Variants in RANBP2 observed in about 807,000 individuals in gnomAD.
RANBP2 encodes RAN binding protein 2.
RANBP2 carries 57 observed loss-of-function variants against 303.6 expected under a neutral mutation model. The ratio of observed to expected loss-of-function variants is 0.19; its 90% CI spans 0.15 to 0.23. RANBP2 has a LOEUF of 0.23. RANBP2 is among the 10% of genes least tolerant of loss of function. RANBP2 has a pLI of 1.00. For synonymous variants in RANBP2, 1,167 were observed against 1,301.5 expected, an observed-to-expected ratio of 0.90 and a Z score of 2.23; for missense variants, 3,138 against 3,780.8, an observed-to-expected ratio of 0.83 and a Z score of 4.46.
chr2:108,879,525 T>C, the RANBP2 span, among the ~76,000 whole-genome samples: 2 of 152,294 alleles, frequency 1.3e-5, no homozygotes, highest in Non-Finnish European at 2.9e-5. Context: ...CAACTGCATA[T>C]GACAGAAACA....
chr2:109,200,409 C>T, the RANBP2 span, among the ~76,000 whole-genome samples: 1 of 152,184 alleles, frequency 6.6e-6, no homozygotes. Context: ...CTCTCTTTCC[C>T]TCCATCTCTG....
At chr2:109,427,528 C>T in the RANBP2 span, among the ~76,000 whole-genome samples, 1 of 152,124 alleles carries the variant, frequency 6.6e-6, no homozygotes, top group Non-Finnish European at 1.5e-5. Flanking sequence ...CAGGGTGAGG[C>T]CCCAGAATCT....
At chr2:109,046,290 CA>C in the RANBP2 span, among the ~76,000 whole-genome samples, 1 of 137,352 alleles carries the variant, frequency 7.3e-6, no homozygotes, top group Non-Finnish European at 1.5e-5. Flanking sequence ...GGCGACAGTG[CA>C]AGACTCTGTC....
the RANBP2 span, among the ~76,000 whole-genome samples, chr2:109,523,932 G>A: frequency 1.3e-5 from 2 of 151,962 alleles, no homozygotes; most frequent in African/African-American, 4.8e-5. Context: ...GCCAGTGTCT[G>A]TAAGGAGCTG....
At chr2:108,852,963 G>A in the RANBP2 span, among the ~76,000 whole-genome samples, 9 of 152,142 alleles carry the variant, frequency 5.9e-5, no homozygotes, top group Admixed American at 2.0e-4. Context: ...AGAGGATATA[G>A]GCACAATTTT....
the RANBP2 span, chr2:109,737,483 T>G: frequency 1.7e-6 from 1 of 605,918 alleles, no homozygotes; most frequent in Non-Finnish European, 2.9e-6. Flanking sequence ...TGCTTTTTTT[T>G]TTGCCCGCCT....
the RANBP2 span, among the ~76,000 whole-genome samples, chr2:109,256,958 T>C: frequency 6.6e-6 from 1 of 152,168 alleles, no homozygotes; most frequent in Non-Finnish European, 1.5e-5. Flanking sequence ...TAGCAGCTCT[T>C]CATGCTGGAG....
chr2:109,203,607 C>A, the RANBP2 span, among the ~76,000 whole-genome samples: 1 of 152,140 alleles, frequency 6.6e-6, no homozygotes, highest in African/African-American at 2.4e-5. Context: ...CTCCACTTTC[C>A]CTTTGCACGA....
the RANBP2 span, chr2:109,128,277 G>C: frequency 6.6e-6 from 1 of 152,258 alleles, no homozygotes; most frequent in East Asian, 1.9e-4. Flanking sequence ...CCGGGGCGTC[G>C]GGAAGGAGAG....
chr2:109,524,467 C>A, the RANBP2 span, among the ~76,000 whole-genome samples: 5,244 of 104,124 alleles, frequency 0.05, 196 homozygotes, highest in African/African-American at 0.11. Flanking sequence ...AAAAAAAAAA[C>A]AAAACAACAC....
At chr2:109,330,033 C>G in the RANBP2 span, among the ~76,000 whole-genome samples, 1 of 152,160 alleles carries the variant, frequency 6.6e-6, no homozygotes, top group Non-Finnish European at 1.5e-5. Context: ...CTGGCCCTTA[C>G]AAAACATTGA....
the RANBP2 span, among the ~76,000 whole-genome samples, chr2:108,987,276 C>T: frequency 2.1e-4 from 32 of 152,326 alleles, no homozygotes; most frequent in African/African-American, 7.5e-4. Flanking sequence ...ACCCAGCTTC[C>T]ATCTGTGGGC....
chr2:109,654,567 T>G, the RANBP2 span, among the ~76,000 whole-genome samples: 1 of 152,066 alleles, frequency 6.6e-6, no homozygotes, highest in Non-Finnish European at 1.5e-5. Flanking sequence ...GCTGCTTATG[T>G]CCCAAAGCCT....
the RANBP2 span, among the ~76,000 whole-genome samples, chr2:109,686,832 G>C: frequency 6.6e-6 from 1 of 152,116 alleles, no homozygotes; most frequent in South Asian, 2.1e-4. Context: ...AGGCTGGTCT[G>C]GAAATCCTGA....
rs1386759985 is a variant in RANBP2 at position 108,766,831 on chromosome 2, C to G, written c.6292C>G (p.Leu2098Val). 1 of 1,611,930 alleles carries G rather than the reference C, an allele frequency of 6.2e-7. No individual in the cohort carries two copies. Residue 2098 changes from leucine to valine, a missense_variant, in exon 20 of 29, where the codon CTC (leucine) becomes GTC (valine). By Grantham distance (32) the Leu-to-Val change is conservative. Coordinates refer to ENST00000283195, the MANE Select transcript of RANBP2 (RefSeq NM_006267.5). ...WITTTMNLKP[L>V]SGSDRAWMWL... ...AACGACTACGATGAACCTGAAGCCT[C>G]TCTCTGGATCAGATAGAGCATGGAT...
chr2:109,743,644 T>G, the RANBP2 span, among the ~76,000 whole-genome samples: 1 of 115,760 alleles, frequency 8.6e-6, no homozygotes, highest in African/African-American at 2.8e-5. Flanking sequence ...CTTTTAGTTT[T>G]GATTCAGTGG....
chr2:109,540,517 A>G, the RANBP2 span, among the ~76,000 whole-genome samples: 2 of 152,204 alleles, frequency 1.3e-5, no homozygotes, highest in East Asian at 3.9e-4. Flanking sequence ...TTTGGCCTTC[A>G]AGTTCTCTTA....
chr2:109,600,493 A>G, the RANBP2 span, among the ~76,000 whole-genome samples: 1 of 151,982 alleles, frequency 6.6e-6, no homozygotes, highest in African/African-American at 2.4e-5. Context: ...GCCCCTCAAA[A>G]AGACTGGACC....
At chr2:109,246,155 A>T in the RANBP2 span, among the ~76,000 whole-genome samples, 1 of 152,188 alleles carries the variant, frequency 6.6e-6, no homozygotes, top group Non-Finnish European at 1.5e-5. Flanking sequence ...GGTGGTTGTG[A>T]GGTTGACAGA....
Sources: allele counts gnomAD v4.1 joint callset (sites outside exome capture counted in the v4.1 genomes callset), GRCh38; gene constraint gnomAD v4.1.1; transcripts MANE v1.5; gene names NCBI Gene and HGNC (gene_info 2026-07-23, HGNC 2026-07-21).